The following PCSK1 variants were observed in gnomAD, a reference collection of about 807,000 sequenced individuals.
PCSK1 encodes the protein neuroendocrine convertase 1.
A neutral mutation model predicts 90.6 loss-of-function variants in PCSK1; 56 were observed. The ratio of observed to expected loss-of-function variants is 0.62; its 90% CI spans 0.50 to 0.77. The LOEUF is 0.77. Ranked by LOEUF, PCSK1 falls within the 30% of genes least tolerant of loss-of-function variation. The pLI is 0.00. For missense variants in PCSK1, 801 were observed against 932.6 expected (o/e 0.86, Z 1.84); for synonymous variants, 348 against 342.4 (o/e 1.02, Z -0.18).
At chr5:96,431,289 T>G (rs1225544172) in intron 1 of PCSK1, among the ~76,000 whole-genome samples, 1 of 152,216 alleles carries the variant, frequency 6.6e-6, no homozygotes, top group Non-Finnish European at 1.5e-5. Context: ...ATGCCTAGAC[T>G]GTCTTCTCCG....
intron 9 of PCSK1, among the ~76,000 whole-genome samples, chr5:96,407,344 G>A (rs953963707): frequency 1.3e-5 from 2 of 152,164 alleles, no homozygotes; most frequent in African/African-American, 4.8e-5. Flanking sequence ...TGAAGGGTAT[G>A]AAATATTGAG....
intron 9 of PCSK1, among the ~76,000 whole-genome samples, chr5:96,407,469 G>A (rs921723433): frequency 3.3e-5 from 5 of 152,004 alleles, no homozygotes; most frequent in Non-Finnish European, 7.4e-5. Flanking sequence ...TTGGAAACTG[G>A]CACTTTCACA....
At position 96,392,492 on chromosome 5, in the gene PCSK1, G is replaced by T. The variant is rs1759977662; in HGVS notation, c.*509C>A. The T allele has an allele frequency of 1.3e-5, 2 of 157,398 alleles. No homozygotes were observed. The highest frequency in any genetic ancestry group is 4.8e-5 in the African/African-American group (2 of 41,478). The allele number at this position is 157,398 out of a possible 1,614,324, so 9.8% of individuals were successfully genotyped here. On this transcript the variant is annotated 3_prime_UTR_variant, in exon 14 of 14. Coordinates refer to ENST00000311106, the MANE Select transcript of PCSK1 (RefSeq NM_000439.5). ...AATGAGTGGCACTTTGGAATAGAAA[G>T]ATCTAGGGAATGAGTCTTACAGTGA...
intron 7 of PCSK1, among the ~76,000 whole-genome samples, chr5:96,411,307 G>A (rs187099947): frequency 1.3e-5 from 2 of 152,304 alleles, no homozygotes; most frequent in East Asian, 3.9e-4. Context: ...TTATGTCACT[G>A]CACTTAAATC....
intron 9 of PCSK1, among the ~76,000 whole-genome samples, chr5:96,401,549 T>C (rs1159400121): frequency 1.3e-5 from 2 of 152,202 alleles, no homozygotes; most frequent in African/African-American, 2.4e-5. Context: ...AGCAACACTA[T>C]AAAGATAAAT....
chr5:96,426,965 T>A (rs1429118844), intron 2 of PCSK1, among the ~76,000 whole-genome samples: 1 of 152,232 alleles, frequency 6.6e-6, no homozygotes, highest in Non-Finnish European at 1.5e-5. Context: ...TTAAAGTGCT[T>A]GTATTTTCAA....
At chr5:96,399,712 G>T (rs1377575740) in intron 10 of PCSK1, among the ~76,000 whole-genome samples, 2 of 152,162 alleles carry the variant, frequency 1.3e-5, no homozygotes, top group Non-Finnish European at 1.5e-5. Flanking sequence ...AAACAATGGT[G>T]CATCTTAGAC....
intron 5 of PCSK1, among the ~76,000 whole-genome samples, chr5:96,420,343 T>C (rs1761084204): frequency 6.6e-6 from 1 of 152,196 alleles, no homozygotes; most frequent in South Asian, 2.1e-4. Flanking sequence ...TCCTGCATTA[T>C]CCTGCTTCAG....
chr5:96,432,267 C>G, intron 1 of PCSK1: 1 of 738,924 alleles, frequency 1.4e-6, no homozygotes, highest in South Asian at 1.8e-5. Flanking sequence ...CCATTTCTCC[C>G]CCCAGCTTCC....
chr5:96,411,572 A>G (rs1008121015), intron 7 of PCSK1, among the ~76,000 whole-genome samples: 1 of 152,184 alleles, frequency 6.6e-6, no homozygotes, highest in African/African-American at 2.4e-5. Flanking sequence ...GAGCAATCCA[A>G]CCAAGGCACA....
intron 1 of PCSK1, among the ~76,000 whole-genome samples, chr5:96,430,742 G>A (rs1761465643): frequency 1.3e-5 from 2 of 152,126 alleles, no homozygotes. Flanking sequence ...TAAAACTTTT[G>A]TTAGTAATGC....
Position 96,432,884 on chromosome 5 carries a change from C to T in PCSK1, c.159G>A (p.Leu53=), listed in dbSNP as rs751249879. The part of the protein sequence containing the change: ...PEAASAIAEE[L]GYDLLGQIGS... ...TTACCTGACCCAAAAGGTCATAGCCCAGCTCCTCGGCGATGGCCGAGGCTG... is the reference window on the plus strand; with the variant it reads ...TTACCTGACCCAAAAGGTCATAGCCTAGCTCCTCGGCGATGGCCGAGGCTG... The change falls in exon 1 of 14, where the codon CTG becomes CTA. Residue 53 remains leucine (L), a synonymous_variant. Transcript: ENST00000311106. The T allele has an allele frequency of 2.5e-6, 4 of 1,613,834 alleles. No homozygotes were observed. Among genetic ancestry groups the T allele is most frequent in the Non-Finnish European group, 3.4e-6 (4 of 1,179,972 alleles).
chr5:96,392,526 A>T lies in PCSK1; in HGVS notation c.*475T>A, dbSNP rs537616182. 8.7e-5 allele frequency: 15 copies of T among 171,732 alleles called. No individual in the cohort carries two copies. Among genetic ancestry groups the T allele is most frequent in the African/African-American group, 3.1e-4 (13 of 41,752 alleles). The allele number at this position is 171,732 out of a possible 1,614,324, so 10.6% of individuals were successfully genotyped here. ...AATGAGTCTTACAGTGAACTCCTTC[A>T]TTAGGCCTACCAAATACTTTCTTGG... On this transcript the variant is annotated 3_prime_UTR_variant, in exon 14 of 14. Coordinates refer to ENST00000311106, the MANE Select transcript of PCSK1 (RefSeq NM_000439.5).
chr5:96,417,395 T>C (rs1485572961), intron 5 of PCSK1, among the ~76,000 whole-genome samples: 1 of 152,152 alleles, frequency 6.6e-6, no homozygotes, highest in Non-Finnish European at 1.5e-5. Flanking sequence ...AGCATTTTCC[T>C]GTTTGGGGAA....
In PCSK1 at chr5:96,425,921, C is replaced by G. The variant is rs1282004766; in HGVS notation, c.295G>C (p.Ala99Pro). The change falls in exon 3 of 14, where the codon GCT (alanine) becomes CCT (proline). Residue 99 changes from alanine to proline, a missense_variant. Transcript: ENST00000311106. ...RLSDDDRVIW[A>P]EQQYEKERSK... is the part of the protein sequence containing the mutation. Reference sequence around the variant, plus strand: ...CTTTCTTTTTCATACTGTTGTTCAGCCCATATCACCTACAAGGATTTTTAT... The same window carrying G: ...CTTTCTTTTTCATACTGTTGTTCAGGCCATATCACCTACAAGGATTTTTAT... The G allele has an allele frequency of 6.3e-7, 1 of 1,599,366 alleles. No individual in the cohort carries two copies. The highest frequency in any genetic ancestry group is 1.3e-5 in the African/African-American group (1 of 74,610).
chr5:96,429,942 A>C (rs1040210842), intron 1 of PCSK1, among the ~76,000 whole-genome samples: 2 of 152,244 alleles, frequency 1.3e-5, no homozygotes, highest in Non-Finnish European at 2.9e-5. Context: ...ATGCTCATTT[A>C]ATCAAATATA....
At chr5:96,431,969 A>C in intron 1 of PCSK1, 1 of 728,804 alleles carries the variant, frequency 1.4e-6, no homozygotes, top group Non-Finnish European at 2.4e-6. Context: ...AGCTATAAGC[A>C]GTCTCCCACT....
At chr5:96,426,980 A>G (rs1020228044) in intron 2 of PCSK1, among the ~76,000 whole-genome samples, 1 of 152,200 alleles carries the variant, frequency 6.6e-6, no homozygotes, top group African/African-American at 2.4e-5. Context: ...TTTCAAGCTT[A>G]ATTGTTTTGG....
At chr5:96,403,278 A>G (rs1561365908) in intron 9 of PCSK1, among the ~76,000 whole-genome samples, 1 of 152,042 alleles carries the variant, frequency 6.6e-6, no homozygotes, top group Admixed American at 6.6e-5. Flanking sequence ...TTTTATTATT[A>G]TTATACTTTA....
Sources: allele counts gnomAD v4.1 joint callset (sites outside exome capture counted in the v4.1 genomes callset), GRCh38; gene constraint gnomAD v4.1.1; transcripts MANE v1.5; gene names NCBI Gene and HGNC (gene_info 2026-07-23, HGNC 2026-07-21).